DNAJC2: variants seen among roughly 807,000 people sequenced by gnomAD.
DNAJC2 encodes the protein DnaJ heat shock protein family (Hsp40) member C2.
DNAJC2 carries 32 observed loss-of-function variants against 94.0 expected under a neutral mutation model. That is an observed-to-expected ratio of 0.34 (90% CI 0.26 to 0.46). The LOEUF is 0.46. Ranked by LOEUF, DNAJC2 falls within the 20% of genes least tolerant of loss-of-function variation. DNAJC2 has a pLI of 1.00. For missense variants in DNAJC2, 550 were observed against 719.5 expected (o/e 0.76, Z 2.69); for synonymous variants, 210 against 229.7 (o/e 0.91, Z 0.77).
In DNAJC2 at chr7:103,323,573, C is replaced by T. The variant is rs1818539437; in HGVS notation, c.719+25G>A. On this transcript the variant is annotated intron_variant, in intron 7 of 16. Coordinates refer to ENST00000379263, the MANE Select transcript of DNAJC2 (RefSeq NM_014377.3). ...ACCAGAGAACCAAATAAATACCTTC[C>T]ATTATTAATGATTTGCATACATACC... 4.2e-6 allele frequency: 6 copies of T among 1,434,952 alleles called. No homozygotes were observed. The South Asian group carries it at 6.9e-5, about 17-fold the overall frequency. The allele number at this position is 1,434,952 out of a possible 1,614,324, so 88.9% of individuals were successfully genotyped here. A position where few individuals can be genotyped will look rare whatever the true frequency, so the allele number is the denominator to read the frequency against.
Position 103,312,566 on chromosome 7 carries a change from T to C in DNAJC2, c.*3A>G, listed in dbSNP as rs767578478. The C allele has an allele frequency of 5.6e-6, 9 of 1,610,656 alleles. No individual in the cohort carries two copies. Among genetic ancestry groups the C allele is most frequent in the South Asian group, 2.2e-5 (2 of 89,926 alleles). On this transcript the variant is annotated 3_prime_UTR_variant, in exon 17 of 17. Transcript: ENST00000379263. The stretch of plus-strand genomic sequence containing the variant: ...TATAAAAATGCACACACAACAAAGA[T>C]TGTCATTTCTTGGCTCTACTTGCAT...
In DNAJC2 at chr7:103,312,989, C is replaced by T. The variant is rs772238229; in HGVS notation, c.1749G>A (p.Ala583=). Residue 583 remains alanine (A), a synonymous_variant, in exon 16 of 17, where the codon GCG becomes GCA. Transcript: ENST00000379263. ...TPERWEKIAE[A]VPGRTKKDCM... ...AGTCCTTCTTTGTCCTGCCAGGCAC[C>T]GCTTCTGCTATTTTTTCCCATCTTT... The T allele has an allele frequency of 1.1e-5, 18 of 1,613,888 alleles. No homozygotes were observed. The highest frequency in any genetic ancestry group is 1.4e-5 in the Non-Finnish European group (16 of 1,179,942).
chr7:103,322,468 T>C (rs1383346245), intron 9 of DNAJC2, 43 bp downstream of exon 9: 1 of 1,398,044 alleles, frequency 7.2e-7, no homozygotes, highest in Admixed American at 2.6e-5. Context: ...GATTAAAGAT[T>C]TCATAAACAT....
rs1818480434 is a variant in DNAJC2, at chr7:103,322,595, GA to G, written c.848del (p.Phe283SerfsTer35). On this transcript the variant is annotated frameshift_variant, in exon 9 of 17. Coordinates refer to ENST00000379263, the MANE Select transcript of DNAJC2 (RefSeq NM_014377.3). LOFTEE classifies it high-confidence loss of function. The part of the protein sequence containing the change: ...AYSCDPRIKK[F>X]KEEEKAKKEA... ...CTTTCTTGGCTTTTTCTTCTTCCTT[GA>G]ACTTTTTTATCCTTGGATCACAGCT... is the stretch of plus-strand genomic sequence containing the variant. The G allele has an allele frequency of 6.2e-7, 1 of 1,611,150 alleles. No homozygotes were observed. The highest frequency in any genetic ancestry group is 8.5e-7 in the Non-Finnish European group (1 of 1,178,510).
In DNAJC2 at chr7:103,319,772, G is replaced by A. The variant is rs757968839; in HGVS notation, c.1156C>T (p.Arg386Trp). 3.1e-6 allele frequency: 5 copies of A among 1,614,036 alleles called. No individual in the cohort carries two copies. The highest frequency in any genetic ancestry group is 1.7e-5 in the Admixed American group (1 of 60,002). ...MMEEVEKLCD[R>W]LELASLQCLN... Reference sequence around the variant, plus strand: ...TAGGTATACCTTGCCAGTTCAAGCCGATCACAAAGTTTTTCCACTTCTTCC... The same window carrying A: ...TAGGTATACCTTGCCAGTTCAAGCCAATCACAAAGTTTTTCCACTTCTTCC... The change falls in exon 11 of 17, where the codon CGG (arginine) becomes TGG (tryptophan). Residue 386 changes from arginine to tryptophan, a missense_variant. By Grantham distance (101) the Arg-to-Trp change is moderately radical (BLOSUM62 -3). This residue lies in a region of DNAJC2 where 271 missense variants were observed against 302.6 expected (regional missense o/e 0.90). Coordinates refer to ENST00000379263, the MANE Select transcript of DNAJC2 (RefSeq NM_014377.3).
chr7:103,339,192 G>C (rs141789974), intron 2 of DNAJC2, among the ~76,000 whole-genome samples: 2 of 152,198 alleles, frequency 1.3e-5, no homozygotes, highest in Non-Finnish European at 2.9e-5. Context: ...TGGAATATAA[G>C]CTGTGTGTAA....
intron 5 of DNAJC2, 131 bp downstream of exon 5, chr7:103,326,412 G>C: frequency 1.1e-6 from 1 of 874,154 alleles, no homozygotes; most frequent in South Asian, 1.6e-5. Context: ...CAGAGAAGGA[G>C]GAGGAGGAGG....
chr7:103,324,365 G>A, intron 6 of DNAJC2, 117 bp downstream of exon 6: 1 of 881,720 alleles, frequency 1.1e-6, no homozygotes, highest in Admixed American at 4.2e-5. Flanking sequence ...GAGTGCTTTT[G>A]TTCAGTGAAG....
At chr7:103,322,420 T>C (rs1033266669) in intron 9 of DNAJC2, 91 bp downstream of exon 9, 40 of 1,249,486 alleles carry the variant, frequency 3.2e-5, no homozygotes, top group African/African-American at 4.6e-5. Context: ...TTTCGAATTA[T>C]AGTTTTTTTT....
intron 3 of DNAJC2, chr7:103,336,510 A>AT (rs1303313605): frequency 6.6e-6 from 1 of 151,984 alleles, no homozygotes; most frequent in Non-Finnish European, 1.5e-5. Flanking sequence ...CACCCAGCTA[A>AT]TTTTTTTGTA....
chr7:103,326,652 G>A lies in DNAJC2; in HGVS notation c.463C>T (p.Arg155Ter). The A allele has an allele frequency of 1.2e-6, 2 of 1,612,460 alleles. No individual in the cohort carries two copies. Among genetic ancestry groups the A allele is most frequent in the Non-Finnish European group, 1.7e-6 (2 of 1,179,422 alleles). ...YEMLSDPVKR[R>*]AFNSVDPTFD... ...GTAGGATCTACACTGTTAAATGCTCGTCTTTTCACTGGATCAGATAACATT... is the reference window on the plus strand; with the variant it reads ...GTAGGATCTACACTGTTAAATGCTCATCTTTTCACTGGATCAGATAACATT... Residue 155 changes from arginine (R) to a stop codon, truncating the protein, a stop_gained, in exon 5 of 17, where the codon CGA becomes TGA. Coordinates refer to ENST00000379263, the MANE Select transcript of DNAJC2 (RefSeq NM_014377.3). LOFTEE classifies it high-confidence loss of function.
intron 3 of DNAJC2, among the ~76,000 whole-genome samples, chr7:103,328,037 C>T (rs1196798374): frequency 6.6e-6 from 1 of 152,106 alleles, no homozygotes; most frequent in Non-Finnish European, 1.5e-5. Flanking sequence ...TCTCCTGCCT[C>T]AGCCTCTGGA....
At chr7:103,314,647 A>C in intron 15 of DNAJC2, 1 of 985,404 alleles carries the variant, frequency 1.0e-6, no homozygotes, top group Non-Finnish European at 1.2e-6. Context: ...CTGCCTTGTT[A>C]CTTACCTTTA....
At chr7:103,314,277 AAAAT>A in intron 15 of DNAJC2, 1 of 985,442 alleles carries the variant, frequency 1.0e-6, no homozygotes, top group Non-Finnish European at 1.2e-6. Context: ...TCACAATACC[AAAAT>A]AAATTAAACG....
At chr7:103,318,127 CTGAT>C (rs1048230504) in intron 12 of DNAJC2, among the ~76,000 whole-genome samples, 6 of 152,208 alleles carry the variant, frequency 3.9e-5, no homozygotes, top group Non-Finnish European at 5.9e-5. Flanking sequence ...CTTTTCCTAA[CTGAT>C]TTTGTTTCCC....
chr7:103,325,995 CA>C (rs1818683789), intron 5 of DNAJC2, among the ~76,000 whole-genome samples: 1 of 151,926 alleles, frequency 6.6e-6, no homozygotes, highest in Admixed American at 6.6e-5. Context: ...TCTCTCAAAG[CA>C]AAATTTTTTT....
chr7:103,318,954 A>C (rs566407443), intron 12 of DNAJC2, among the ~76,000 whole-genome samples: 33 of 152,326 alleles, frequency 2.2e-4, no homozygotes. Context: ...ATGGTGGCTC[A>C]TGCCTATAAT....
At chr7:103,329,122 G>C (rs1384655075) in intron 3 of DNAJC2, 1 of 434,496 alleles carries the variant, frequency 2.3e-6, no homozygotes, top group Non-Finnish European at 3.9e-6. Context: ...ACTGGAAAAA[G>C]GAGGGGCTGT....
chr7:103,342,153 GTATT>G (rs912679212), intron 1 of DNAJC2, among the ~76,000 whole-genome samples, 199 bp from the exon 2 acceptor site: 3 of 152,086 alleles, frequency 2.0e-5, no homozygotes, highest in African/African-American at 7.2e-5. Context: ...GTATTAAAGA[GTATT>G]TAATCAACCT....
Sources: gnomAD v4.1 joint callset for allele counts (sites outside exome capture counted in the v4.1 genomes callset) on GRCh38, gnomAD v4.1.1 for gene constraint, gnomAD v4.1.1 regional missense constraint, MANE v1.5 for transcripts, NCBI Gene and HGNC (gene_info 2026-07-23, HGNC 2026-07-21) for gene names.